The following DAB1 variants were observed in gnomAD, a reference collection of about 807,000 sequenced individuals.
DAB1 encodes disabled homolog 1.
DAB1 carries 15 observed loss-of-function variants against 64.6 expected under a neutral mutation model. That is an observed-to-expected ratio of 0.23 (90% CI 0.16 to 0.36). DAB1 has a LOEUF of 0.36. Ranked by LOEUF, DAB1 falls within the 10% of genes least tolerant of loss-of-function variation. The probability of loss-of-function intolerance (pLI) is 1.00; values close to 1 mark genes in which losing one functional copy is unlikely to be tolerated. For missense variants in DAB1, 596 were observed against 706.7 expected (o/e 0.84, Z 1.78); for synonymous variants, 235 against 251.9 (o/e 0.93, Z 0.64).
At chr1:57,773,086 A>T (rs1569635578) in intron 6 of DAB1, among the ~76,000 whole-genome samples, 1 of 152,052 alleles carries the variant, frequency 6.6e-6, no homozygotes, top group South Asian at 2.1e-4. Flanking sequence ...CTTCCCTAGA[A>T]CCTTCAGGAC....
chr1:58,167,900 A>C (rs1200129280), intron 4 of DAB1, among the ~76,000 whole-genome samples: 1 of 152,174 alleles, frequency 6.6e-6, no homozygotes, highest in East Asian at 1.9e-4. Context: ...GGACACACCA[A>C]CTTTAAGAAC....
chr1:57,276,514 C>T (rs893026023), intron 2 of DAB1, among the ~76,000 whole-genome samples: 10 of 152,296 alleles, frequency 6.6e-5, no homozygotes, highest in Admixed American at 4.6e-4. Flanking sequence ...ATGCATAACA[C>T]GAAATGAATA....
intron 4 of DAB1, among the ~76,000 whole-genome samples, chr1:58,167,582 G>T (rs1237881854): frequency 6.6e-6 from 1 of 152,186 alleles, no homozygotes; most frequent in East Asian, 1.9e-4. Flanking sequence ...ACCTGCTTGG[G>T]TCCCCTTCCA....
chr1:57,048,164 T>C (rs1029755627), intron 9 of DAB1, among the ~76,000 whole-genome samples: 4 of 152,200 alleles, frequency 2.6e-5, no homozygotes, highest in Non-Finnish European at 5.9e-5. Context: ...GTCCCACCGC[T>C]GGTAAGTAAG....
intron 2 of DAB1, among the ~76,000 whole-genome samples, chr1:57,164,377 A>T (rs1661038998): frequency 6.6e-6 from 1 of 152,114 alleles, no homozygotes; most frequent in African/African-American, 2.4e-5. Flanking sequence ...GACTTGTCTC[A>T]TTCATCAAGA....
intron 6 of DAB1, among the ~76,000 whole-genome samples, chr1:57,742,475 G>T (rs1388045814): frequency 6.6e-6 from 1 of 152,148 alleles, no homozygotes; most frequent in East Asian, 1.9e-4. Context: ...ATCCTGCTGT[G>T]TTGAGCCCCA....
intron 5 of DAB1, among the ~76,000 whole-genome samples, chr1:58,109,052 G>A (rs146002933): frequency 2.6e-5 from 4 of 152,306 alleles, no homozygotes; most frequent in Admixed American, 6.5e-5. Context: ...AGACACCACC[G>A]AGCTTCCTTA....
At chr1:58,149,533 T>C (rs929551520) in intron 5 of DAB1, among the ~76,000 whole-genome samples, 3 of 152,144 alleles carry the variant, frequency 2.0e-5, no homozygotes, top group African/African-American at 7.2e-5. Flanking sequence ...ACCGGGTTCA[T>C]ACAGGGCTTC....
chr1:58,300,594 A>C (rs866279677), intron 4 of DAB1, among the ~76,000 whole-genome samples: 6 of 33,656 alleles, frequency 1.8e-4, no homozygotes, highest in African/African-American at 4.7e-4. Context: ...GAAAGAAAGA[A>C]AGAAAGAAAG....
At chr1:57,596,493 A>ATT (rs397762287) in intron 7 of DAB1, among the ~76,000 whole-genome samples, 119 of 149,246 alleles carry the variant, frequency 8.0e-4, no homozygotes, top group African/African-American at 2.6e-3. Flanking sequence ...CCATTTATGG[A>ATT]TTTTTTTTTT....
chr1:57,591,510 T>A (rs1645445533), intron 7 of DAB1, among the ~76,000 whole-genome samples: 1 of 152,204 alleles, frequency 6.6e-6, no homozygotes. Flanking sequence ...CTGGGGTCAG[T>A]GTATCCTAGA....
At chr1:58,105,443 T>C (rs556615455) in intron 5 of DAB1, among the ~76,000 whole-genome samples, 8 of 152,286 alleles carry the variant, frequency 5.3e-5, no homozygotes, top group African/African-American at 1.9e-4. Context: ...TCAGAAATAC[T>C]GCTGACGAGA....
intron 3 of DAB1, among the ~76,000 whole-genome samples, chr1:58,360,626 GGAAGAGGAGTCACTCA>G (rs1644156021): frequency 6.6e-6 from 1 of 152,030 alleles, no homozygotes; most frequent in Non-Finnish European, 1.5e-5. Context: ...AAGATTTTGT[GGAAGAGGAGTCACTCA>G]GAGACACACA....
At chr1:57,631,071 A>G (rs1335804005) in intron 7 of DAB1, among the ~76,000 whole-genome samples, 1 of 152,190 alleles carries the variant, frequency 6.6e-6, no homozygotes, top group African/African-American at 2.4e-5. Flanking sequence ...CCAACTACAC[A>G]TGATAAAAAT....
intron 4 of DAB1, among the ~76,000 whole-genome samples, chr1:58,321,435 G>A (rs186431249): frequency 4.9e-4 from 75 of 152,342 alleles, no homozygotes; most frequent in Non-Finnish European, 8.8e-4. Flanking sequence ...GCCCACGGAG[G>A]GCAAGCCGAA....
At chr1:57,528,003 C>G (rs1644614205) in intron 7 of DAB1, among the ~76,000 whole-genome samples, 1 of 148,220 alleles carries the variant, frequency 6.7e-6, no homozygotes. Flanking sequence ...AAAACTCAAG[C>G]AAAGAAAATT....
At chr1:57,804,761 T>C (rs778455194) in intron 6 of DAB1, among the ~76,000 whole-genome samples, 9 of 152,228 alleles carry the variant, frequency 5.9e-5, no homozygotes, top group Admixed American at 2.6e-4. Context: ...CCAGACTCTT[T>C]GAAAATATCC....
intron 5 of DAB1, among the ~76,000 whole-genome samples, chr1:58,051,108 A>G (rs1393122138): frequency 6.6e-6 from 1 of 152,104 alleles, no homozygotes; most frequent in Non-Finnish European, 1.5e-5. Flanking sequence ...TGCAGGTTTG[A>G]TACATATGTA....
At chr1:57,430,002 T>G (rs1342291388) in intron 7 of DAB1, among the ~76,000 whole-genome samples, 1 of 152,158 alleles carries the variant, frequency 6.6e-6, no homozygotes, top group Admixed American at 6.5e-5. Flanking sequence ...ATTCTAGGAT[T>G]TTTTTTCTAT....
Sources: gnomAD v4.1 joint callset for allele counts (sites outside exome capture counted in the v4.1 genomes callset) on GRCh38, gnomAD v4.1.1 for gene constraint, MANE v1.5 for transcripts, NCBI Gene and HGNC (gene_info 2026-07-23, HGNC 2026-07-21) for gene names.